The following NPAS3 variants were observed in gnomAD, a reference collection of about 807,000 sequenced individuals.
NPAS3 encodes the protein neuronal PAS domain-containing protein 3.
In NPAS3, 14 loss-of-function variants were observed where a neutral mutation model predicts 73.1. That is an observed-to-expected ratio of 0.19 (90% CI 0.13 to 0.30). The LOEUF (loss-of-function observed/expected upper bound fraction) is 0.30, where lower values mean the gene tolerates loss of function less well. Among genes scored for constraint, NPAS3 ranks in the 10% least tolerant of loss-of-function variants. The pLI is 1.00. For synonymous variants in NPAS3, 620 were observed against 541.5 expected (o/e 1.14, Z -2.01); for missense variants, 1,096 against 1,250.0 (o/e 0.88, Z 1.86).
chr14:33,109,811 T>G (rs2042832184), intron 2 of NPAS3, among the ~76,000 whole-genome samples: 2 of 24,454 alleles, frequency 8.2e-5, no homozygotes, highest in African/African-American at 6.4e-4. Flanking sequence ...TTTGCATGTC[T>G]TTTTTTTTTT....
chr14:32,970,851 A>G (rs1430587023), intron 1 of NPAS3, among the ~76,000 whole-genome samples: 1 of 152,162 alleles, frequency 6.6e-6, no homozygotes, highest in East Asian at 1.9e-4. Flanking sequence ...ATACTGGAAT[A>G]GAACCCACCT....
intron 5 of NPAS3, among the ~76,000 whole-genome samples, chr14:33,563,537 C>CAGAGAGAGAGAG (rs1286632432): frequency 8.4e-6 from 1 of 119,646 alleles, no homozygotes; most frequent in Admixed American, 8.2e-5. Flanking sequence ...CACACACACA[C>CAGAGAGAGAGAG]AGAGAGAGAG....
chr14:33,564,819 G>A (rs2055845634), intron 5 of NPAS3, among the ~76,000 whole-genome samples: 1 of 152,152 alleles, frequency 6.6e-6, no homozygotes, highest in Non-Finnish European at 1.5e-5. Flanking sequence ...ATAGGGTCCT[G>A]TTTACAACAA....
chr14:33,658,922 G>A (rs2059227504), intron 5 of NPAS3, among the ~76,000 whole-genome samples: 1 of 151,978 alleles, frequency 6.6e-6, no homozygotes, highest in African/African-American at 2.4e-5. Flanking sequence ...CCAACTATGG[G>A]CTCCTGTTAA....
chr14:33,744,900 T>A (rs2061749122), intron 7 of NPAS3, among the ~76,000 whole-genome samples: 1 of 152,050 alleles, frequency 6.6e-6, no homozygotes, highest in Admixed American at 6.6e-5. Flanking sequence ...ATGGCAGCAA[T>A]GAACTTGTTT....
chr14:32,964,813 A>AG (rs1315068310), intron 1 of NPAS3, among the ~76,000 whole-genome samples: 2 of 63,830 alleles, frequency 3.1e-5, no homozygotes, highest in East Asian at 0.029. Context: ...CTGTCTCTAC[A>AG]AAAAAAAAAA....
exon 11 of NPAS3, chr14:33,797,581 G>C: frequency 6.2e-7 from 1 of 1,613,886 alleles, no homozygotes; most frequent in Non-Finnish European, 8.5e-7. Flanking sequence ...AGGTATTACA[G>C]GTATTATTCC....
intron 4 of NPAS3, among the ~76,000 whole-genome samples, chr14:33,436,452 T>C (rs939401567): frequency 2.0e-5 from 3 of 152,246 alleles, no homozygotes; most frequent in Non-Finnish European, 4.4e-5. Flanking sequence ...GACTGTGGCA[T>C]GTACACATCA....
chr14:33,361,629 G>T (rs1285701365), intron 3 of NPAS3, among the ~76,000 whole-genome samples: 1 of 152,122 alleles, frequency 6.6e-6, no homozygotes, highest in African/African-American at 2.4e-5. Context: ...AATATGTATT[G>T]CATCAAAAAA....
At chr14:33,720,105 G>T (rs1333662646) in intron 6 of NPAS3, among the ~76,000 whole-genome samples, 5 of 152,150 alleles carry the variant, frequency 3.3e-5, no homozygotes. Flanking sequence ...GAGAAAAAAA[G>T]CTTAGTTGTA....
At chr14:33,457,836 C>T (rs886121094) in intron 4 of NPAS3, among the ~76,000 whole-genome samples, 14 of 152,164 alleles carry the variant, frequency 9.2e-5, no homozygotes, top group Non-Finnish European at 1.3e-4. Flanking sequence ...TCTCCTTTTA[C>T]TAAGGTGGGG....
chr14:32,994,665 T>A (rs1358311744), intron 1 of NPAS3, among the ~76,000 whole-genome samples: 1 of 144,714 alleles, frequency 6.9e-6, no homozygotes, highest in Non-Finnish European at 1.5e-5. Flanking sequence ...AGAGTCTCAC[T>A]CCATTGCTTA....
intron 4 of NPAS3, among the ~76,000 whole-genome samples, chr14:33,399,851 T>C (rs1183940907): frequency 6.6e-6 from 1 of 152,104 alleles, no homozygotes; most frequent in Non-Finnish European, 1.5e-5. Context: ...TGATTTCATT[T>C]AAAATTCAAT....
intron 4 of NPAS3, among the ~76,000 whole-genome samples, chr14:33,558,334 T>C (rs1022701304): frequency 1.6e-4 from 24 of 152,038 alleles, no homozygotes; most frequent in African/African-American, 5.8e-4. Context: ...GATCTTGGCT[T>C]ACTGCAACCT....
chr14:33,582,484 C>G (rs77069415), intron 5 of NPAS3, among the ~76,000 whole-genome samples: 1 of 152,132 alleles, frequency 6.6e-6, no homozygotes, highest in Non-Finnish European at 1.5e-5. Flanking sequence ...TATTGTTATA[C>G]CATGTTTATC....
At position 33,123,888 on chromosome 14, in the gene NPAS3, G is replaced by T. The variant is rs183840224; in HGVS notation, c.140+67894G>T. 5.9e-3 allele frequency among the ~76,000 whole-genome samples: 797 copies of T among 133,954 alleles called. 4 individuals carry two copies. The highest frequency in any genetic ancestry group is 0.019 in the South Asian group (82 of 4,264). The allele number at this position is 133,954 out of a possible 152,430, so 87.9% of individuals were successfully genotyped here. On this transcript the variant is annotated intron_variant, in intron 2 of 11. Coordinates refer to ENST00000356141, the Ensembl canonical transcript of NPAS3. ...TTTTTTTTTTTTTTTTTGAGACAAG[G>T]TCTCACTCTGTCCCTGAGACTGGAG...
At chr14:33,257,270 T>G (rs184942534) in intron 3 of NPAS3, among the ~76,000 whole-genome samples, 2 of 152,164 alleles carry the variant, frequency 1.3e-5, no homozygotes, top group Non-Finnish European at 1.5e-5. Context: ...AACGCTTACC[T>G]CTTTTCCTCA....
At chr14:33,011,887 G>T (rs754644488) in intron 1 of NPAS3, among the ~76,000 whole-genome samples, 5 of 152,108 alleles carry the variant, frequency 3.3e-5, no homozygotes, top group Non-Finnish European at 7.4e-5. Flanking sequence ...AAAAATTCAG[G>T]TTTCGAAAGG....
intron 8 of NPAS3, 152 bp downstream of exon 8, chr14:33,774,682 C>G: frequency 1.6e-6 from 1 of 621,924 alleles, no homozygotes; most frequent in Non-Finnish European, 2.8e-6. Flanking sequence ...ACCAAACATG[C>G]TTTTTATTTA....
Sources: gnomAD v4.1 joint callset for allele counts (sites outside exome capture counted in the v4.1 genomes callset) on GRCh38, gnomAD v4.1.1 for gene constraint, MANE v1.5 for transcripts, NCBI Gene and HGNC (gene_info 2026-07-23, HGNC 2026-07-21) for gene names.